VEGFC: variants seen among roughly 807,000 people sequenced by gnomAD.
The protein encoded by VEGFC is vascular endothelial growth factor C.
A neutral mutation model predicts 46.1 loss-of-function variants in VEGFC; 12 were observed. The ratio of observed to expected loss-of-function variants is 0.26; its 90% CI spans 0.17 to 0.42. The LOEUF (loss-of-function observed/expected upper bound fraction) is 0.42. Ranked by LOEUF, VEGFC falls within the 10% of genes least tolerant of loss-of-function variation. VEGFC has a pLI of 1.00. For missense variants in VEGFC, 488 were observed against 529.4 expected, an observed-to-expected ratio of 0.92 and a Z score of 0.77; for synonymous variants, 232 against 195.5, an observed-to-expected ratio of 1.19 and a Z score of -1.56.
rs1026829938 is a variant in VEGFC, at chr4:176,790,031, T to C, written c.147+2134A>G. On this transcript the variant is annotated intron_variant, in intron 1 of 6. Transcript: ENST00000618562. ...AATTGATTTCTCCCCAGTTCTTCTC[T>C]AGTGCTTAAATCTAAATGTGGTGCT... Among the ~76,000 whole-genome samples the C allele has an allele frequency of 3.9e-5, 6 of 152,344 alleles. 1 individual carries two copies. The South Asian group carries it at 8.3e-4, about 21-fold the overall frequency.
chr4:176,716,875 T>A (rs1734709417), intron 3 of VEGFC, among the ~76,000 whole-genome samples: 1 of 149,266 alleles, frequency 6.7e-6, no homozygotes, highest in South Asian at 2.1e-4. Flanking sequence ...TGAATCATGA[T>A]ACTATTGTCA....
At chr4:176,769,736 C>T (rs112367536) in intron 1 of VEGFC, among the ~76,000 whole-genome samples, 247 of 152,158 alleles carry the variant, frequency 1.6e-3, no homozygotes, top group African/African-American at 5.7e-3. Flanking sequence ...AATGTTGTAA[C>T]GTATACACTA....
At position 176,770,605 on chromosome 4, in the gene VEGFC, A is replaced by C. The variant is rs1052440954; in HGVS notation, c.147+21560T>G. 1.0e-4 allele frequency among the ~76,000 whole-genome samples: 15 copies of C among 148,812 alleles called. 1 individual carries two copies. Among genetic ancestry groups the C allele is most frequent in the African/African-American group, 3.7e-4 (14 of 38,320 alleles). ...CAGACTTTCCAGATAGAGAATAAAA[A>C]TAGTATCTAATATATTTTCGACTTT... On this transcript the variant is annotated intron_variant, in intron 1 of 6. Coordinates refer to ENST00000618562, the MANE Select transcript of VEGFC (RefSeq NM_005429.5).
At chr4:176,711,711 T>G (rs1258858639) in intron 3 of VEGFC, 61 bp from the exon 4 acceptor site, 2 of 1,560,836 alleles carry the variant, frequency 1.3e-6, no homozygotes, top group African/African-American at 2.7e-5. Flanking sequence ...ACTTTTATGG[T>G]AAATATTGGA....
chr4:176,792,050 G>T lies in VEGFC; in HGVS notation c.147+115C>A. Reference sequence around the variant, plus strand: ...GCGTGCACTGAGCTCAGTAACTTTGGATCCCACGTACACAAGCTTAAAGCA... The same window carrying T: ...GCGTGCACTGAGCTCAGTAACTTTGTATCCCACGTACACAAGCTTAAAGCA... On this transcript the variant is annotated intron_variant, in intron 1 of 6. Coordinates refer to ENST00000618562, the MANE Select transcript of VEGFC (RefSeq NM_005429.5). The surrounding 1 kb of genome is among the most constrained non-coding windows in gnomAD (Gnocchi z 6.3). 1 of 1,301,916 alleles carries T rather than the reference G, an allele frequency of 7.7e-7. No homozygotes were observed. The highest frequency in any genetic ancestry group is 9.9e-7 in the Non-Finnish European group (1 of 1,010,506). The allele number at this position is 1,301,916 out of a possible 1,614,324, so 80.6% of individuals were successfully genotyped here.
intron 1 of VEGFC, among the ~76,000 whole-genome samples, chr4:176,762,291 C>G (rs953056550): frequency 6.6e-6 from 1 of 152,114 alleles, no homozygotes; most frequent in Non-Finnish European, 1.5e-5. Flanking sequence ...GGTCATGAAG[C>G]CTTTGCCCAG....
chr4:176,778,288 G>A (rs1735849309), intron 1 of VEGFC, among the ~76,000 whole-genome samples: 2 of 152,120 alleles, frequency 1.3e-5, no homozygotes, highest in Non-Finnish European at 2.9e-5. Flanking sequence ...AAGCTCTGAT[G>A]ACTAAACTGT....
At chr4:176,684,888 G>T (rs564246896) in intron 6 of VEGFC, among the ~76,000 whole-genome samples, 1 of 152,206 alleles carries the variant, frequency 6.6e-6, no homozygotes, top group South Asian at 2.1e-4. Context: ...GCCACGCCTG[G>T]CTAAGTTTCT....
chr4:176,722,499 G>GTT (rs796817880), intron 3 of VEGFC, among the ~76,000 whole-genome samples: 22 of 104,680 alleles, frequency 2.1e-4, no homozygotes, highest in East Asian at 3.2e-4. Flanking sequence ...TTTTTTTTTT[G>GTT]TTTTTTTTTT....
intron 1 of VEGFC, among the ~76,000 whole-genome samples, chr4:176,763,854 CT>C (rs201815867): frequency 5.3e-5 from 8 of 151,076 alleles, no homozygotes; most frequent in Middle Eastern, 3.4e-3. Context: ...AAAAAAAGGT[CT>C]TTTTTTTTCT....
At chr4:176,788,297 G>A (rs1736035987) in intron 1 of VEGFC, among the ~76,000 whole-genome samples, 1 of 152,202 alleles carries the variant, frequency 6.6e-6, no homozygotes, top group Admixed American at 6.5e-5. Context: ...AAGAAAGTCT[G>A]GGTTTATTTC....
chr4:176,703,128 T>C (rs1341950339), intron 4 of VEGFC, among the ~76,000 whole-genome samples: 4 of 152,134 alleles, frequency 2.6e-5, no homozygotes. Flanking sequence ...ATTTGGGTTG[T>C]ATCTTTAGTA....
chr4:176,699,039 A>G (rs1734377122), intron 4 of VEGFC, among the ~76,000 whole-genome samples: 1 of 152,228 alleles, frequency 6.6e-6, no homozygotes, highest in South Asian at 2.1e-4. Flanking sequence ...GTAGCACATG[A>G]TGATTTTCTT....
At chr4:176,704,971 G>C (rs1291059185) in intron 4 of VEGFC, among the ~76,000 whole-genome samples, 3 of 15,026 alleles carry the variant, frequency 2.0e-4, no homozygotes, top group Admixed American at 1.0e-3. Context: ...CTATCTCTGT[G>C]GTCTAACCAC....
At chr4:176,774,840 A>G (rs1328893846) in intron 1 of VEGFC, among the ~76,000 whole-genome samples, 2 of 152,122 alleles carry the variant, frequency 1.3e-5, no homozygotes, top group African/African-American at 2.4e-5. Flanking sequence ...AAAAAAAAAA[A>G]AAGAACTTAT....
At chr4:176,764,531 T>C (rs1321015388) in intron 1 of VEGFC, among the ~76,000 whole-genome samples, 1 of 152,164 alleles carries the variant, frequency 6.6e-6, no homozygotes, top group African/African-American at 2.4e-5. Flanking sequence ...AGCACAAGAA[T>C]GTATGCAACA....
intron 1 of VEGFC, among the ~76,000 whole-genome samples, chr4:176,788,228 T>C (rs867990034): frequency 2.0e-5 from 3 of 152,342 alleles, no homozygotes; most frequent in African/African-American, 2.4e-5. Context: ...AATATTACCA[T>C]GGATTAGGTC....
chr4:176,758,213 A>G (rs191176963), intron 1 of VEGFC, among the ~76,000 whole-genome samples: 119 of 152,250 alleles, frequency 7.8e-4, no homozygotes, highest in African/African-American at 2.6e-3. Flanking sequence ...AAGATTGGTT[A>G]CCAGCAGCAA....
intron 4 of VEGFC, among the ~76,000 whole-genome samples, chr4:176,700,031 T>C (rs1211467929): frequency 6.6e-6 from 1 of 152,166 alleles, no homozygotes; most frequent in Non-Finnish European, 1.5e-5. Flanking sequence ...GAAAAGATGG[T>C]GAGTAGGATG....
Sources: allele counts gnomAD v4.1 joint callset (sites outside exome capture counted in the v4.1 genomes callset), GRCh38; gene constraint gnomAD v4.1.1; non-coding constraint Gnocchi (gnomAD v3.1); transcripts MANE v1.5; gene names NCBI Gene and HGNC (gene_info 2026-07-23, HGNC 2026-07-21).